Variants in ZNF469 observed in about 807,000 individuals in gnomAD.
ZNF469 encodes the protein zinc finger protein 469.
ZNF469 carries 1 observed loss-of-function variant against 1.0 expected under a neutral mutation model. The ratio of observed to expected loss-of-function variants is 1.00; its 90% CI spans 0.35 to 4.73. The LOEUF is 4.73. Ranked by LOEUF, ZNF469 falls within the 30% of genes most tolerant of loss-of-function variation. The probability of loss-of-function intolerance (pLI) is 0.16; values close to 1 mark genes in which losing one functional copy is unlikely to be tolerated. For missense variants in ZNF469, 6,100 were observed against 5,356.3 expected (o/e 1.14, Z -4.33); for synonymous variants, 2,703 against 2,363.4 (o/e 1.14, Z -4.17).
the ZNF469 span, among the ~76,000 whole-genome samples, chr16:88,322,000 C>A: frequency 6.6e-6 from 1 of 152,146 alleles, no homozygotes; most frequent in African/African-American, 2.4e-5. Flanking sequence ...CAGGCCCTGG[C>A]GAGATCTCTG....
At chr16:88,239,101 AG>A in the ZNF469 span, among the ~76,000 whole-genome samples, 1 of 151,906 alleles carries the variant, frequency 6.6e-6, no homozygotes, top group Non-Finnish European at 1.5e-5. Flanking sequence ...GGCTGTCTGG[AG>A]TCTGGGTCTA....
the ZNF469 span, among the ~76,000 whole-genome samples, chr16:88,122,871 C>T: frequency 1.3e-5 from 2 of 152,024 alleles, no homozygotes; most frequent in East Asian, 1.9e-4. Flanking sequence ...GAGATGGCGT[C>T]TCACTCTGTC....
At chr16:88,279,552 T>C in the ZNF469 span, among the ~76,000 whole-genome samples, 2 of 143,192 alleles carry the variant, frequency 1.4e-5, no homozygotes, top group Admixed American at 6.8e-5. Flanking sequence ...TAGATATCAG[T>C]GCACGGTTAG....
rs560475825 is a variant in ZNF469, at chr16:88,383,161, G to T, written c.-285G>T. 4.1e-5 allele frequency among the ~76,000 whole-genome samples: 6 copies of T among 148,082 alleles called. No homozygotes were observed. The highest frequency in any genetic ancestry group is 7.5e-5 in the Non-Finnish European group (5 of 66,466). ...CGGGCGGGCCTGCGGTCGGGATGAGGACGGCGCCTCCGCTGCAGAGCGCTG... is the reference window on the plus strand; with the variant it reads ...CGGGCGGGCCTGCGGTCGGGATGAGTACGGCGCCTCCGCTGCAGAGCGCTG... On this transcript the variant is annotated 5_prime_UTR_variant, in exon 1 of 3. Transcript: ENST00000565624.
At chr16:88,361,288 AC>A in the ZNF469 span, among the ~76,000 whole-genome samples, 1 of 152,158 alleles carries the variant, frequency 6.6e-6, no homozygotes, top group Non-Finnish European at 1.5e-5. Context: ...TCCCTGGCTT[AC>A]CTACTACTCA....
the ZNF469 span, among the ~76,000 whole-genome samples, chr16:88,102,049 A>T: frequency 1.4e-5 from 2 of 145,454 alleles, no homozygotes; most frequent in African/African-American, 5.0e-5. Context: ...CAGAAGTGAC[A>T]TTCACCCCCC....
chr16:88,102,732 G>T, the ZNF469 span, among the ~76,000 whole-genome samples: 2 of 152,232 alleles, frequency 1.3e-5, no homozygotes, highest in Non-Finnish European at 2.9e-5. Flanking sequence ...ATTGGGCTGT[G>T]AAAGAGGAGA....
At chr16:88,312,052 G>T in the ZNF469 span, among the ~76,000 whole-genome samples, 8 of 152,284 alleles carry the variant, frequency 5.3e-5, no homozygotes, top group African/African-American at 1.9e-4. Flanking sequence ...AAGAGCAAAG[G>T]CACATCTTAC....
the ZNF469 span, among the ~76,000 whole-genome samples, chr16:88,349,610 A>C: frequency 4.7e-5 from 7 of 148,684 alleles, no homozygotes; most frequent in Non-Finnish European, 3.0e-5. Flanking sequence ...GTACACACAC[A>C]CACCCAGCAC....
chr16:88,331,185 G>A, the ZNF469 span, among the ~76,000 whole-genome samples: 36 of 98,912 alleles, frequency 3.6e-4, no homozygotes, highest in East Asian at 6.2e-3. Flanking sequence ...CATCACCACC[G>A]TCGTCACCAT....
At chr16:88,422,444 GTGGATGGATGGGTGGATGGGTGATGGA>G (rs1905501040) in intron 1 of ZNF469, among the ~76,000 whole-genome samples, 1 of 134,586 alleles carries the variant, frequency 7.4e-6, no homozygotes. Flanking sequence ...GGGTGGGTGG[GTGGATGGATGGGTGGATGGGTGATGGA>G]TGGATGGGTG....
chr16:88,387,988 G>C (rs536128426), intron 1 of ZNF469, among the ~76,000 whole-genome samples: 2 of 152,374 alleles, frequency 1.3e-5, no homozygotes, highest in East Asian at 3.9e-4. Flanking sequence ...CAGCCACACC[G>C]CCAGGACAGG....
the ZNF469 span, among the ~76,000 whole-genome samples, chr16:88,193,305 G>C: frequency 6.6e-6 from 1 of 150,566 alleles, no homozygotes; most frequent in African/African-American, 2.4e-5. Context: ...TGGTGGGGTT[G>C]GTGGTGATGG....
At chr16:88,305,541 C>G in the ZNF469 span, among the ~76,000 whole-genome samples, 2 of 149,664 alleles carry the variant, frequency 1.3e-5, no homozygotes, top group Non-Finnish European at 3.0e-5. Context: ...CTCACAGGCA[C>G]ACATGTGTGC....
At chr16:88,236,767 T>G in the ZNF469 span, among the ~76,000 whole-genome samples, 1 of 151,758 alleles carries the variant, frequency 6.6e-6, no homozygotes, top group Non-Finnish European at 1.5e-5. Context: ...CTCTGGAGGC[T>G]GAGGCAAGAG....
At chr16:88,348,706 G>T in the ZNF469 span, among the ~76,000 whole-genome samples, 1 of 152,170 alleles carries the variant, frequency 6.6e-6, no homozygotes, top group Admixed American at 6.5e-5. Flanking sequence ...TGCCATTTGG[G>T]GGCTGGGACC....
the ZNF469 span, among the ~76,000 whole-genome samples, chr16:88,324,375 T>C: frequency 6.6e-6 from 1 of 152,244 alleles, no homozygotes; most frequent in African/African-American, 2.4e-5. Flanking sequence ...GGCTGTTGTG[T>C]CACAGCTGTG....
At chr16:88,390,276 C>G (rs540982288) in intron 1 of ZNF469, among the ~76,000 whole-genome samples, 2 of 152,288 alleles carry the variant, frequency 1.3e-5, no homozygotes, top group South Asian at 4.1e-4. Context: ...TTCCCCAGTT[C>G]TGGATACACA....
chr16:88,403,950 G>A (rs1904955315), intron 1 of ZNF469, among the ~76,000 whole-genome samples: 1 of 152,296 alleles, frequency 6.6e-6, no homozygotes, highest in Non-Finnish European at 1.5e-5. Flanking sequence ...TGTGGCTTCG[G>A]GCGGTGCTGC....
Sources: allele counts gnomAD v4.1 joint callset (sites outside exome capture counted in the v4.1 genomes callset), GRCh38; gene constraint gnomAD v4.1.1; transcripts MANE v1.5; gene names NCBI Gene and HGNC (gene_info 2026-07-23, HGNC 2026-07-21).